Variants in MAGI1 observed in about 807,000 individuals in gnomAD.
MAGI1 encodes membrane associated guanylate kinase, WW and PDZ domain containing 1.
Under a neutral mutation model 139.9 loss-of-function variants are expected in MAGI1, and 58 were observed. That is an observed-to-expected ratio of 0.41 (90% confidence interval 0.34 to 0.52). The LOEUF (loss-of-function observed/expected upper bound fraction) is 0.52. MAGI1 is among the 20% of genes least tolerant of loss of function. The pLI is 0.12. For synonymous variants in MAGI1, 812 were observed against 737.9 expected (o/e 1.10, Z -1.63); for missense variants, 1,874 against 1,901.6 (o/e 0.99, Z 0.27).
chr3:65,673,991 C>T (rs180984632), intron 1 of MAGI1, among the ~76,000 whole-genome samples: 172 of 152,272 alleles, frequency 1.1e-3, no homozygotes, highest in African/African-American at 4.1e-3. Flanking sequence ...GTAGTCCCAG[C>T]TACTCCGGAG....
intron 1 of MAGI1, among the ~76,000 whole-genome samples, chr3:65,787,432 T>A (rs1185210262): frequency 6.6e-6 from 1 of 151,766 alleles, no homozygotes; most frequent in Non-Finnish European, 1.5e-5. Context: ...ATGTTATGTT[T>A]AGTCGGTTCT....
At chr3:65,812,574 C>T (rs528946347) in intron 1 of MAGI1, among the ~76,000 whole-genome samples, 1 of 151,640 alleles carries the variant, frequency 6.6e-6, no homozygotes, top group Non-Finnish European at 1.5e-5. Flanking sequence ...CAAGCCAGTA[C>T]TGAGCAAGGA....
At chr3:65,611,627 GTA>G (rs58163149) in intron 2 of MAGI1, among the ~76,000 whole-genome samples, 58,773 of 134,498 alleles carry the variant, frequency 0.44, 12,519 homozygotes, top group Non-Finnish European at 0.48. Flanking sequence ...AGTATATACA[GTA>G]TATATATATA....
At chr3:65,414,040 C>CT (rs1946001025) in intron 12 of MAGI1, among the ~76,000 whole-genome samples, 1 of 152,216 alleles carries the variant, frequency 6.6e-6, no homozygotes, top group South Asian at 2.1e-4. Context: ...GATCCTTTTG[C>CT]TTTCTCTCTT....
intron 1 of MAGI1, among the ~76,000 whole-genome samples, chr3:65,918,525 T>C (rs891336922): frequency 6.6e-6 from 1 of 151,798 alleles, no homozygotes; most frequent in Non-Finnish European, 1.5e-5. Context: ...GGATTACAGG[T>C]GTGCACCACC....
At chr3:65,387,285 C>T in intron 14 of MAGI1, 1 of 1,310,294 alleles carries the variant, frequency 7.6e-7, no homozygotes, top group Non-Finnish European at 1.1e-6. Context: ...TCTTAGTTCA[C>T]TTTAATTTAG....
At chr3:65,822,095 A>G (rs915965392) in intron 1 of MAGI1, among the ~76,000 whole-genome samples, 2 of 152,224 alleles carry the variant, frequency 1.3e-5, no homozygotes, top group Non-Finnish European at 2.9e-5. Context: ...GGATCAGGTA[A>G]TCCACACTAT....
rs1047240569 is a variant in MAGI1, at chr3:65,360,612, A to G, written c.3634+587T>C. 17 of 985,568 alleles carry G rather than the reference A, an allele frequency of 1.7e-5. No individual in the cohort carries two copies. In the African/African-American group the frequency reaches 2.1e-4, roughly 12 times the overall value. The allele number at this position is 985,568 out of a possible 1,614,324, so 61.1% of individuals were successfully genotyped here. On this transcript the variant is annotated intron_variant, in intron 22 of 22. Coordinates refer to ENST00000402939, the MANE Select transcript of MAGI1 (RefSeq NM_001033057.2). Reference sequence around the variant, plus strand: ...ATCATTTAAAAACATTATGGCTAATATATTAACAGTTTTTGTTTGTTTGTT... The same window carrying G: ...ATCATTTAAAAACATTATGGCTAATGTATTAACAGTTTTTGTTTGTTTGTT...
At chr3:66,033,858 C>A (rs2068772662) in intron 1 of MAGI1, among the ~76,000 whole-genome samples, 1 of 152,150 alleles carries the variant, frequency 6.6e-6, no homozygotes, top group Admixed American at 6.5e-5. Flanking sequence ...TACAATCATA[C>A]CATTTTAAAC....
intron 1 of MAGI1, among the ~76,000 whole-genome samples, chr3:65,829,650 T>G (rs536557875): frequency 1.2e-4 from 18 of 152,304 alleles, no homozygotes; most frequent in African/African-American, 4.3e-4. Flanking sequence ...CTAAGACACA[T>G]GGTATATTGC....
intron 2 of MAGI1, among the ~76,000 whole-genome samples, chr3:65,600,577 C>G (rs1383596356): frequency 6.6e-6 from 1 of 152,192 alleles, no homozygotes; most frequent in Non-Finnish European, 1.5e-5. Flanking sequence ...TTTAAAGTCT[C>G]TTTTGTCGCA....
At chr3:65,777,409 A>G (rs1277808683) in intron 1 of MAGI1, among the ~76,000 whole-genome samples, 1 of 152,194 alleles carries the variant, frequency 6.6e-6, no homozygotes, top group Non-Finnish European at 1.5e-5. Flanking sequence ...ACAAATAAAT[A>G]TCAGGTTCAT....
chr3:65,489,306 A>G (rs1951834363), intron 3 of MAGI1, among the ~76,000 whole-genome samples: 1 of 152,234 alleles, frequency 6.6e-6, no homozygotes, highest in Admixed American at 6.5e-5. Flanking sequence ...ACTGCCCTGT[A>G]CATCATATCC....
chr3:65,784,653 C>G (rs1017624952), intron 1 of MAGI1, among the ~76,000 whole-genome samples: 1 of 151,620 alleles, frequency 6.6e-6, no homozygotes, highest in Non-Finnish European at 1.5e-5. Flanking sequence ...TGCAGTGAGC[C>G]GAGATCGCGC....
chr3:65,966,869 A>G (rs987612658), intron 1 of MAGI1, among the ~76,000 whole-genome samples: 4 of 152,200 alleles, frequency 2.6e-5, no homozygotes, highest in Non-Finnish European at 5.9e-5. Context: ...AAATCCATGA[A>G]ATGAACATTA....
At chr3:65,917,476 T>C (rs1339037268) in intron 1 of MAGI1, among the ~76,000 whole-genome samples, 3 of 152,208 alleles carry the variant, frequency 2.0e-5, no homozygotes, top group African/African-American at 7.2e-5. Flanking sequence ...AGTTGAAAAC[T>C]TATGTCCACA....
intron 13 of MAGI1, among the ~76,000 whole-genome samples, chr3:65,392,625 C>T (rs138032175): frequency 9.2e-5 from 14 of 152,272 alleles, no homozygotes; most frequent in East Asian, 1.9e-4. Flanking sequence ...GCTGTCTCCC[C>T]GAGTATCCTT....
rs1559885951 is a variant in MAGI1, at chr3:65,361,220, C to T, written c.3613G>A (p.Asp1205Asn). 6.2e-7 allele frequency: 1 copy of T among 1,614,178 alleles called. No homozygotes were observed. Among genetic ancestry groups the T allele is most frequent in the East Asian group, 2.2e-5 (1 of 44,886 alleles). The change falls in exon 22 of 23, where the codon GAC becomes AAC. Residue 1205 changes from aspartate (D) to asparagine (N), a missense_variant. Physicochemically the swap from Asp to Asn is conservative, Grantham distance 23. Coordinates refer to ENST00000402939, the MANE Select transcript of MAGI1 (RefSeq NM_001033057.2). ...CCACCATATTCTGGTACTGAGCCGT[C>T]TCCCCGCTTCAGAAACAGACGAACT... ...RRVRLFLKRG[D>N]GSVPEYDPSS...
chr3:65,595,826 AGGGTGG>A (rs2106787546), intron 2 of MAGI1, among the ~76,000 whole-genome samples: 1 of 4,626 alleles, frequency 2.2e-4, no homozygotes, highest in South Asian at 5.7e-3. Flanking sequence ...TAGGGTGGGT[AGGGTGG>A]GGGTGGGGAG....
Sources: gnomAD v4.1 joint callset for allele counts (sites outside exome capture counted in the v4.1 genomes callset) on GRCh38, gnomAD v4.1.1 for gene constraint, MANE v1.5 for transcripts, NCBI Gene and HGNC (gene_info 2026-07-23, HGNC 2026-07-21) for gene names.